DENND1A: variants seen among roughly 807,000 people sequenced by gnomAD.
DENND1A encodes the protein DENN domain-containing protein 1A.
DENND1A carries 51 observed loss-of-function variants against 113.7 expected under a neutral mutation model. The observed-to-expected ratio is 0.45, with a 90% CI of 0.36 to 0.57. The LOEUF is 0.57. Ranked by LOEUF, DENND1A falls within the 20% of genes least tolerant of loss-of-function variation. The pLI is 0.00. For synonymous variants in DENND1A, 565 were observed against 570.8 expected (o/e 0.99, Z 0.14); for missense variants, 1,258 against 1,395.9 (o/e 0.90, Z 1.57).
chr9:123,661,121 T>C (rs1350754446), intron 8 of DENND1A, among the ~76,000 whole-genome samples: 4 of 152,152 alleles, frequency 2.6e-5, no homozygotes, highest in African/African-American at 7.2e-5. Context: ...GCCCAACTCA[T>C]AGCACAAAAA....
intron 19 of DENND1A, among the ~76,000 whole-genome samples, chr9:123,431,375 A>G (rs1381417451): frequency 6.6e-6 from 1 of 152,164 alleles, no homozygotes; most frequent in Non-Finnish European, 1.5e-5. Context: ...TGAGGCCCAG[A>G]AACATTAAGG....
At position 123,768,404 on chromosome 9, in the gene DENND1A, AAGATGCAAAC is replaced by A. The variant is rs369913170; in HGVS notation, c.182+1100_182+1109del. Among the ~76,000 whole-genome samples, 233 of 152,316 alleles carry A rather than the reference AAGATGCAAAC, an allele frequency of 1.5e-3. 2 individuals carry two copies. Among genetic ancestry groups the A allele is most frequent in the African/African-American group, 5.4e-3 (226 of 41,582 alleles). On this transcript the variant is annotated intron_variant, in intron 4 of 23. Coordinates refer to ENST00000394215, the MANE Select transcript of DENND1A (RefSeq NM_001352964.2). ...GACAGTGGTATTACAATGTGTAGAA[AAGATGCAAAC>A]AGCATACTACCCACATATACTCTAA...
chr9:123,657,724 T>C (rs1420636064), intron 8 of DENND1A, among the ~76,000 whole-genome samples: 4 of 152,092 alleles, frequency 2.6e-5, no homozygotes, highest in African/African-American at 9.7e-5. Flanking sequence ...ATTCAAATTA[T>C]TTTACCATAA....
intron 13 of DENND1A, among the ~76,000 whole-genome samples, chr9:123,551,589 G>A (rs1015778306): frequency 6.6e-6 from 1 of 152,206 alleles, no homozygotes; most frequent in African/African-American, 2.4e-5. Context: ...GTGAGGGGCT[G>A]GGATGGAGAA....
intron 13 of DENND1A, among the ~76,000 whole-genome samples, chr9:123,485,268 G>A (rs114669501): frequency 6.6e-6 from 1 of 152,316 alleles, no homozygotes; most frequent in Admixed American, 6.5e-5. Context: ...TTTCAGCTCC[G>A]CACTATCACT....
chr9:123,483,374 G>A (rs2050514975), intron 13 of DENND1A, among the ~76,000 whole-genome samples: 1 of 152,220 alleles, frequency 6.6e-6, no homozygotes, highest in East Asian at 1.9e-4. Context: ...TGCTGCTCCA[G>A]TCCTCCCTTG....
At chr9:123,902,174 T>TACACACACACACACACACAC (rs9299289) in intron 1 of DENND1A, among the ~76,000 whole-genome samples, 1 of 132,050 alleles carries the variant, frequency 7.6e-6, no homozygotes, top group African/African-American at 2.6e-5. Context: ...CACACACACA[T>TACACACACACACACACACAC]ACACACACAC....
At chr9:123,446,284 T>C (rs1487507419) in intron 18 of DENND1A, among the ~76,000 whole-genome samples, 9 of 152,218 alleles carry the variant, frequency 5.9e-5, no homozygotes, top group Non-Finnish European at 7.3e-5. Context: ...TGAATATTGA[T>C]ATCAAAATAG....
chr9:123,711,487 AT>A (rs1207710037), intron 5 of DENND1A, among the ~76,000 whole-genome samples: 3,575 of 64,204 alleles, frequency 0.056, 105 homozygotes, highest in African/African-American at 0.13. Context: ...AAATTAAAAA[AT>A]ATATATATAT....
In DENND1A at chr9:123,840,791, C is replaced by T. The variant is rs117502949; in HGVS notation, c.88+38160G>A. 5.4e-3 allele frequency among the ~76,000 whole-genome samples: 816 copies of T among 152,264 alleles called. 14 individuals carry two copies. Among genetic ancestry groups the T allele is most frequent in the Non-Finnish European group, 5.1e-3 (348 of 68,010 alleles). ...ACCGCCTGTTACTAGGCAGGTGGGG[C>T]GTTATCCAAATAACCAGCATGGAGT... On this transcript the variant is annotated intron_variant, in intron 2 of 23. Coordinates refer to ENST00000394215, the MANE Select transcript of DENND1A (RefSeq NM_001352964.2).
At chr9:123,582,317 G>A (rs2058940241) in intron 12 of DENND1A, among the ~76,000 whole-genome samples, 1 of 152,186 alleles carries the variant, frequency 6.6e-6, no homozygotes, top group Admixed American at 6.5e-5. Context: ...GAAGAGGAGA[G>A]GTCTGGACAC....
chr9:123,403,552 A>G (rs2043679956), intron 20 of DENND1A, 62 bp from the exon 21 acceptor site: 1 of 1,474,364 alleles, frequency 6.8e-7, no homozygotes, highest in African/African-American at 1.4e-5. Context: ...ATACAGGTAC[A>G]TTCTGAACAT....
At chr9:123,804,165 ATCTGAT>A (rs1472471418) in intron 2 of DENND1A, among the ~76,000 whole-genome samples, 11 of 152,134 alleles carry the variant, frequency 7.2e-5, no homozygotes, top group African/African-American at 2.4e-4. Context: ...GTCTCATGAG[ATCTGAT>A]GGTTTTAAAA....
chr9:123,929,721 C>A (rs1358541799), intron 1 of DENND1A, among the ~76,000 whole-genome samples, 168 bp downstream of exon 1: 4 of 150,754 alleles, frequency 2.7e-5, no homozygotes, highest in African/African-American at 9.7e-5. Context: ...CGCCCCCGCG[C>A]CTCCCTGGAT....
intron 5 of DENND1A, among the ~76,000 whole-genome samples, chr9:123,733,128 C>G (rs1285765983): frequency 6.6e-6 from 1 of 151,886 alleles, no homozygotes; most frequent in East Asian, 1.9e-4. Context: ...ATTATAGGCA[C>G]ACGCCACCAC....
At chr9:123,637,427 T>C (rs1377768333) in intron 9 of DENND1A, among the ~76,000 whole-genome samples, 1 of 152,214 alleles carries the variant, frequency 6.6e-6, no homozygotes, top group Non-Finnish European at 1.5e-5. Flanking sequence ...GGTGCCATGA[T>C]TCAAACACTG....
chr9:123,579,311 G>GA (rs2058775064), intron 12 of DENND1A, among the ~76,000 whole-genome samples: 1 of 152,228 alleles, frequency 6.6e-6, no homozygotes, highest in Non-Finnish European at 1.5e-5. Context: ...GCCAGGATGT[G>GA]AAAACAGGTC....
intron 13 of DENND1A, among the ~76,000 whole-genome samples, chr9:123,555,520 T>C (rs2057368293): frequency 6.6e-6 from 1 of 152,226 alleles, no homozygotes; most frequent in Non-Finnish European, 1.5e-5. Flanking sequence ...TAGGAAGGGA[T>C]GCTCCCTTCT....
At chr9:123,914,500 G>A (rs542197737) in intron 1 of DENND1A, among the ~76,000 whole-genome samples, 2 of 144,566 alleles carry the variant, frequency 1.4e-5, no homozygotes, top group South Asian at 2.2e-4. Context: ...AGCCGAGATC[G>A]CGCCACTGCA....
Sources: gnomAD v4.1 joint callset for allele counts (sites outside exome capture counted in the v4.1 genomes callset) on GRCh38, gnomAD v4.1.1 for gene constraint, MANE v1.5 for transcripts, NCBI Gene and HGNC (gene_info 2026-07-23, HGNC 2026-07-21) for gene names.